SDK1: variants seen among roughly 807,000 people sequenced by gnomAD.
The protein encoded by SDK1 is sidekick cell adhesion molecule 1.
SDK1 carries 157 observed loss-of-function variants against 245.5 expected under a neutral mutation model. That is an observed-to-expected ratio of 0.64 (90% CI 0.56 to 0.73). SDK1 has a LOEUF of 0.73. Among genes scored for constraint, SDK1 ranks in the 30% least tolerant of loss-of-function variants. SDK1 has a pLI of 0.00. For synonymous variants in SDK1, 1,647 were observed against 1,278.5 expected (o/e 1.29, Z -6.15); for missense variants, 3,583 against 3,002.3 (o/e 1.19, Z -4.52).
chr7:3,517,601 A>G (rs1373406247), intron 1 of SDK1, among the ~76,000 whole-genome samples: 1 of 152,168 alleles, frequency 6.6e-6, no homozygotes, highest in East Asian at 1.9e-4. Context: ...CTTGCAGCTC[A>G]GAGCCTGTCC....
At chr7:3,396,853 A>G (rs1778722784) in intron 1 of SDK1, among the ~76,000 whole-genome samples, 2 of 151,534 alleles carry the variant, frequency 1.3e-5, no homozygotes, top group Admixed American at 1.3e-4. Flanking sequence ...ATATTTATTT[A>G]TATTTAATGT....
intron 2 of SDK1, among the ~76,000 whole-genome samples, chr7:3,636,777 C>T (rs898067839): frequency 1.3e-5 from 2 of 152,162 alleles, no homozygotes; most frequent in Non-Finnish European, 2.9e-5. Context: ...AACAATTTTT[C>T]CATAGTGGCT....
At chr7:3,612,463 T>C (rs933424402) in intron 1 of SDK1, among the ~76,000 whole-genome samples, 3 of 152,164 alleles carry the variant, frequency 2.0e-5, no homozygotes, top group African/African-American at 7.2e-5. Context: ...CTTCAATAGG[T>C]ATACATAATG....
intron 1 of SDK1, among the ~76,000 whole-genome samples, chr7:3,372,780 G>A (rs745768128): frequency 2.4e-4 from 36 of 152,318 alleles, no homozygotes; most frequent in South Asian, 4.1e-4. Flanking sequence ...GTAGGAGAGC[G>A]TGCATTGCAG....
At chr7:4,102,305 G>T (rs1028195157) in intron 22 of SDK1, among the ~76,000 whole-genome samples, 6 of 152,138 alleles carry the variant, frequency 3.9e-5, no homozygotes, top group Non-Finnish European at 7.3e-5. Context: ...TTTGGCTGTG[G>T]TGGGCACGGG....
chr7:3,491,442 C>T (rs892208712), intron 1 of SDK1, among the ~76,000 whole-genome samples: 1 of 152,196 alleles, frequency 6.6e-6, no homozygotes, highest in African/African-American at 2.4e-5. Context: ...GTAAACAGTG[C>T]AGTTGCTACT....
chr7:3,977,502 T>A (rs923321566), intron 13 of SDK1, among the ~76,000 whole-genome samples: 1 of 152,238 alleles, frequency 6.6e-6, no homozygotes, highest in Non-Finnish European at 1.5e-5. Context: ...CATTGGAGCC[T>A]ACGACCCTGG....
chr7:4,198,321 G>T (rs1473201017), intron 35 of SDK1, among the ~76,000 whole-genome samples: 1 of 152,214 alleles, frequency 6.6e-6, no homozygotes, highest in Admixed American at 6.5e-5. Flanking sequence ...CAGCTGTAGG[G>T]TTAAAGGATG....
At chr7:4,145,674 C>G in intron 28 of SDK1, 48 bp from the exon 29 acceptor site, 1 of 1,533,016 alleles carries the variant, frequency 6.5e-7, no homozygotes, top group South Asian at 1.2e-5. Context: ...CTTCCCTGTG[C>G]CGTGGGTGAC....
intron 4 of SDK1, among the ~76,000 whole-genome samples, chr7:3,676,273 C>T (rs1783892045): frequency 1.3e-5 from 2 of 151,464 alleles, no homozygotes; most frequent in African/African-American, 2.4e-5. Flanking sequence ...CCTGCCTTGT[C>T]CTCCGAAAGT....
At chr7:4,024,895 C>A (rs895620854) in intron 17 of SDK1, among the ~76,000 whole-genome samples, 2 of 132,152 alleles carry the variant, frequency 1.5e-5, no homozygotes, top group Non-Finnish European at 3.2e-5. Flanking sequence ...TTCCCACAGC[C>A]GCATTATGTG....
At chr7:3,466,569 A>G (rs563975161) in intron 1 of SDK1, among the ~76,000 whole-genome samples, 51 of 150,208 alleles carry the variant, frequency 3.4e-4, no homozygotes, top group African/African-American at 1.2e-3. Flanking sequence ...ACTCATCTTC[A>G]TCCACTCTTA....
intron 1 of SDK1, among the ~76,000 whole-genome samples, chr7:3,444,919 G>A (rs1278464978): frequency 6.6e-6 from 1 of 152,134 alleles, no homozygotes; most frequent in Non-Finnish European, 1.5e-5. Flanking sequence ...AGAGTAATAA[G>A]ATAAGAAACT....
chr7:4,208,767 A>C (rs1021687409), intron 37 of SDK1, among the ~76,000 whole-genome samples: 1 of 152,154 alleles, frequency 6.6e-6, no homozygotes, highest in Non-Finnish European at 1.5e-5. Flanking sequence ...ACTGCTCACT[A>C]CACACATGCC....
intron 5 of SDK1, among the ~76,000 whole-genome samples, chr7:3,851,100 A>G (rs1404975121): frequency 1.3e-5 from 2 of 152,184 alleles, no homozygotes; most frequent in Admixed American, 6.5e-5. Context: ...CCGTGCATGC[A>G]TGATTAGTAA....
At chr7:3,757,286 C>T (rs1036874806) in intron 4 of SDK1, among the ~76,000 whole-genome samples, 2 of 152,138 alleles carry the variant, frequency 1.3e-5, no homozygotes, top group African/African-American at 4.8e-5. Context: ...TTACTTACTT[C>T]CTTTTTTTGA....
chr7:3,813,688 C>A lies in SDK1; in HGVS notation c.714-7762C>A, dbSNP rs1364003571. ...TCTAGATCCCCGAGGAATCGCCACA[C>A]TGACTTCCACAATGGTTGAACTAGT... On this transcript the variant is annotated intron_variant, in intron 4 of 44. Transcript: ENST00000404826. Among the ~76,000 whole-genome samples, 2 of 131,494 alleles carry A rather than the reference C, an allele frequency of 1.5e-5. 1 individual carries two copies. The highest frequency in any genetic ancestry group is 3.2e-5 in the Non-Finnish European group (2 of 63,054). The allele number at this position is 131,494 out of a possible 152,430, so 86.3% of individuals were successfully genotyped here.
chr7:3,718,176 A>C (rs925812225), intron 4 of SDK1, among the ~76,000 whole-genome samples: 1 of 152,124 alleles, frequency 6.6e-6, no homozygotes, highest in African/African-American at 2.4e-5. Context: ...TTATGAGCAT[A>C]TCCATTGACA....
At chr7:3,782,828 AC>A (rs1226270819) in intron 4 of SDK1, among the ~76,000 whole-genome samples, 8 of 152,344 alleles carry the variant, frequency 5.3e-5, no homozygotes, top group Admixed American at 5.2e-4. Context: ...TCTAAGTTGA[AC>A]TTTTATAAGT....
Sources: gnomAD v4.1 joint callset for allele counts (sites outside exome capture counted in the v4.1 genomes callset) on GRCh38, gnomAD v4.1.1 for gene constraint, MANE v1.5 for transcripts, NCBI Gene and HGNC (gene_info 2026-07-23, HGNC 2026-07-21) for gene names.